CNTN3: variants seen among roughly 807,000 people sequenced by gnomAD.
CNTN3 encodes contactin 3.
CNTN3 carries 60 observed loss-of-function variants against 119.1 expected under a neutral mutation model. The ratio of observed to expected loss-of-function variants is 0.50; its 90% CI spans 0.41 to 0.62. The LOEUF is 0.62. CNTN3 is among the 20% of genes least tolerant of loss of function. The pLI is 0.00. For missense variants in CNTN3, 1,101 were observed against 1,242.4 expected (o/e 0.89, Z 1.71); for synonymous variants, 450 against 438.7 (o/e 1.03, Z -0.32).
chr3:74,453,943 T>C (rs1286049293), intron 4 of CNTN3, among the ~76,000 whole-genome samples: 3 of 152,054 alleles, frequency 2.0e-5, no homozygotes, highest in African/African-American at 7.2e-5. Flanking sequence ...ATGTGGTCAA[T>C]TTTGGAATAG....
chr3:74,297,337 T>G (rs1702359194), intron 18 of CNTN3, among the ~76,000 whole-genome samples: 1 of 150,870 alleles, frequency 6.6e-6, no homozygotes, highest in African/African-American at 2.4e-5. Context: ...CAGGTCTCAA[T>G]CAATTTTGGG....
intron 1 of CNTN3, among the ~76,000 whole-genome samples, chr3:74,568,212 T>G (rs2106644802): frequency 6.6e-6 from 1 of 152,344 alleles, no homozygotes; most frequent in East Asian, 1.9e-4. Flanking sequence ...AACAGGAATA[T>G]TCTCACCTGT....
chr3:74,338,419 C>T (rs1390319067), intron 11 of CNTN3, among the ~76,000 whole-genome samples: 1 of 151,420 alleles, frequency 6.6e-6, no homozygotes, highest in Non-Finnish European at 1.5e-5. Context: ...TATGTGTATA[C>T]ATATATGTGT....
intron 13 of CNTN3, among the ~76,000 whole-genome samples, chr3:74,317,175 T>A (rs1702852048): frequency 1.3e-5 from 2 of 148,230 alleles, no homozygotes; most frequent in Admixed American, 1.4e-4. Flanking sequence ...CTTTTTTTTG[T>A]TTTCCATTTG....
intron 3 of CNTN3, among the ~76,000 whole-genome samples, chr3:74,486,907 A>C (rs1386291433): frequency 3.3e-5 from 5 of 152,188 alleles, no homozygotes; most frequent in Non-Finnish European, 7.3e-5. Flanking sequence ...CACTGGGGAA[A>C]AATTAGGCTA....
rs140034103 is a variant in CNTN3, at chr3:74,390,819, T to A, written c.455-19420A>T. Reference sequence around the variant, plus strand: ...AAAGATTTAGCAGTGTTCAGATAAATGGGCGAGTGTCACTGGGCAATCAGA... The same window carrying A: ...AAAGATTTAGCAGTGTTCAGATAAAAGGGCGAGTGTCACTGGGCAATCAGA... On this transcript the variant is annotated intron_variant, in intron 5 of 22. Transcript: ENST00000263665. 2.5e-3 allele frequency among the ~76,000 whole-genome samples: 375 copies of A among 152,260 alleles called. 2 individuals are homozygous for A. The highest frequency in any genetic ancestry group is 8.5e-3 in the African/African-American group (354 of 41,546).
intron 1 of CNTN3, among the ~76,000 whole-genome samples, chr3:74,604,121 G>T (rs1704956250): frequency 6.6e-6 from 1 of 152,042 alleles, no homozygotes; most frequent in South Asian, 2.1e-4. Flanking sequence ...GCAGAAGAAT[G>T]AAATTAAACC....
intron 17 of CNTN3, among the ~76,000 whole-genome samples, chr3:74,298,595 A>G (rs973590927): frequency 1.7e-4 from 24 of 140,486 alleles, no homozygotes; most frequent in Non-Finnish European, 1.5e-4. Flanking sequence ...CAATTAAGTA[A>G]AACTGGAAAA....
rs565031131 is a variant in CNTN3 at position 74,407,564 on chromosome 3, C to T, written c.454+17281G>A. 5.4e-4 allele frequency among the ~76,000 whole-genome samples: 82 copies of T among 150,704 alleles called. 1 individual carries two copies. The highest frequency in any genetic ancestry group is 1.8e-3 in the African/African-American group (75 of 40,646). On this transcript the variant is annotated intron_variant, in intron 5 of 22. Coordinates refer to ENST00000263665, the MANE Select transcript of CNTN3 (RefSeq NM_020872.3). ...CTGGGATTACAAGTGTGAGCCACCGCGCCCGGCCAAGCCAAATATCCTTAG... is the reference window on the plus strand; with the variant it reads ...CTGGGATTACAAGTGTGAGCCACCGTGCCCGGCCAAGCCAAATATCCTTAG...
At chr3:74,439,725 T>C (rs539172187) in intron 4 of CNTN3, among the ~76,000 whole-genome samples, 1 of 152,256 alleles carries the variant, frequency 6.6e-6, no homozygotes, top group South Asian at 2.1e-4. Flanking sequence ...AAGCTTAAGC[T>C]CCTGATTCCT....
chr3:74,590,481 C>T (rs567015122), intron 1 of CNTN3, among the ~76,000 whole-genome samples: 86 of 151,672 alleles, frequency 5.7e-4, no homozygotes, highest in African/African-American at 1.9e-3. Flanking sequence ...GAGACAGGGA[C>T]GCAGTGCTCA....
chr3:74,285,358 C>G lies in CNTN3; in HGVS notation c.2651G>C (p.Ser884Thr). The G allele has an allele frequency of 1.2e-6, 2 of 1,613,312 alleles. No individual in the cohort carries two copies. Among genetic ancestry groups the G allele is most frequent in the Non-Finnish European group, 1.7e-6 (2 of 1,179,624 alleles). Residue 884 changes from serine (S) to threonine (T), a missense_variant, in exon 20 of 23, where the codon AGT becomes ACT. By Grantham distance (58) the Ser-to-Thr change is moderately conservative. Coordinates refer to ENST00000263665, the MANE Select transcript of CNTN3 (RefSeq NM_020872.3). Reference protein sequence around the residue: ...AYYTAVRAYNSAGAGPFSATV... With the variant: ...AYYTAVRAYNTAGAGPFSATV... ...GGCGCTAAAAGGCCCAGCGCCGGCA[C>G]TGTTGTAAGCCCGGACAGCCGTGTA...
chr3:74,570,084 G>A (rs1177943189), intron 1 of CNTN3, among the ~76,000 whole-genome samples: 2 of 152,070 alleles, frequency 1.3e-5, no homozygotes, highest in South Asian at 2.1e-4. Context: ...TAGAGGGTTC[G>A]TCCAACAAGG....
chr3:74,511,126 T>C (rs1054958143), intron 2 of CNTN3, among the ~76,000 whole-genome samples: 1 of 152,108 alleles, frequency 6.6e-6, no homozygotes, highest in Non-Finnish European at 1.5e-5. Flanking sequence ...AACACTTCCT[T>C]TAAATTGAAT....
chr3:74,557,139 T>A (rs1367735877), intron 1 of CNTN3, among the ~76,000 whole-genome samples: 2 of 152,172 alleles, frequency 1.3e-5, no homozygotes, highest in African/African-American at 2.4e-5. Context: ...CTAATTTTGA[T>A]GAAAATCTGA....
At chr3:74,566,937 G>A (rs1407997035) in intron 1 of CNTN3, among the ~76,000 whole-genome samples, 1 of 152,106 alleles carries the variant, frequency 6.6e-6, no homozygotes, top group Non-Finnish European at 1.5e-5. Flanking sequence ...CCCACCTTCT[G>A]ATGTCCTGCT....
At chr3:74,585,462 C>A (rs1704577847) in intron 1 of CNTN3, among the ~76,000 whole-genome samples, 1 of 152,100 alleles carries the variant, frequency 6.6e-6, no homozygotes, top group Non-Finnish European at 1.5e-5. Context: ...GCTTAAATTG[C>A]ATCAGATTTC....
At chr3:74,364,149 ACACCAAAAT>A (rs1164036648) in intron 10 of CNTN3, among the ~76,000 whole-genome samples, 1 of 152,106 alleles carries the variant, frequency 6.6e-6, no homozygotes, top group Admixed American at 6.6e-5. Flanking sequence ...GCAACGGGGA[ACACCAAAAT>A]CACTTATTCT....
chr3:74,600,984 T>C (rs1331300955), intron 1 of CNTN3, among the ~76,000 whole-genome samples: 1 of 151,878 alleles, frequency 6.6e-6, no homozygotes, highest in East Asian at 1.9e-4. Context: ...ATTAGGTTAG[T>C]GTTGTTGTCT....
Sources: gnomAD v4.1 joint callset for allele counts (sites outside exome capture counted in the v4.1 genomes callset) on GRCh38, gnomAD v4.1.1 for gene constraint, MANE v1.5 for transcripts, NCBI Gene and HGNC (gene_info 2026-07-23, HGNC 2026-07-21) for gene names.